NCALD: variants seen among roughly 807,000 people sequenced by gnomAD.
The protein encoded by NCALD is neurocalcin delta.
NCALD carries 10 observed loss-of-function variants against 18.6 expected under a neutral mutation model. That is an observed-to-expected ratio of 0.54 (90% CI 0.33 to 0.91). NCALD has a LOEUF of 0.91. NCALD is among the 40% of genes least tolerant of loss of function. The pLI, the probability that NCALD is intolerant of heterozygous loss-of-function variation, is 0.03. For synonymous variants in NCALD, 88 were observed against 87.4 expected (o/e 1.01, Z -0.04); for missense variants, 184 against 247.6 (o/e 0.74, Z 1.72).
intron 3 of NCALD, among the ~76,000 whole-genome samples, chr8:101,888,130 A>G (rs1034868910): frequency 2.0e-5 from 3 of 152,198 alleles, no homozygotes; most frequent in African/African-American, 7.2e-5. Context: ...AAACTAGTCA[A>G]GGCTTATCCC....
intron 4 of NCALD, among the ~76,000 whole-genome samples, chr8:101,810,309 T>C (rs890620430): frequency 2.6e-5 from 4 of 152,212 alleles, no homozygotes; most frequent in Non-Finnish European, 4.4e-5. Context: ...TATTTGTAAC[T>C]ACCTTGCACG....
chr8:101,792,699 G>C (rs1416694138), upstream of NCALD, among the ~76,000 whole-genome samples: 1 of 152,178 alleles, frequency 6.6e-6, no homozygotes, highest in Non-Finnish European at 1.5e-5. Flanking sequence ...GGAAGAGGCA[G>C]AGAAACATAC....
At chr8:101,904,255 G>A (rs531586695) in intron 3 of NCALD, among the ~76,000 whole-genome samples, 1 of 152,134 alleles carries the variant, frequency 6.6e-6, no homozygotes, top group Non-Finnish European at 1.5e-5. Flanking sequence ...TCTGTCCTGT[G>A]CAATCAGCAA....
intron 1 of NCALD, among the ~76,000 whole-genome samples, chr8:101,742,850 T>C (rs1456591288): frequency 6.6e-6 from 1 of 152,078 alleles, no homozygotes; most frequent in Non-Finnish European, 1.5e-5. Context: ...GGCCCCAATA[T>C]GTGTTGTTCC....
At chr8:101,725,870 T>C (rs1816549891) in intron 1 of NCALD, among the ~76,000 whole-genome samples, 1 of 151,980 alleles carries the variant, frequency 6.6e-6, no homozygotes, top group Non-Finnish European at 1.5e-5. Context: ...GATGAAGACG[T>C]GCCATGGAGA....
At chr8:101,955,282 G>A (rs1186000636) in intron 2 of NCALD, among the ~76,000 whole-genome samples, 1 of 152,198 alleles carries the variant, frequency 6.6e-6, no homozygotes, top group Admixed American at 6.5e-5. Flanking sequence ...AAACAAAAGG[G>A]AAGTGCCTTC....
chr8:101,853,694 G>C (rs983189006), intron 4 of NCALD, among the ~76,000 whole-genome samples: 2 of 152,176 alleles, frequency 1.3e-5, no homozygotes, highest in African/African-American at 4.8e-5. Context: ...GGGGAGTCCA[G>C]TGGAAAGCAA....
chr8:102,124,174 C>G (rs1348497627), intron 1 of NCALD: 2 of 152,222 alleles, frequency 1.3e-5, no homozygotes, highest in Non-Finnish European at 2.9e-5. Flanking sequence ...GCACACCCGC[C>G]CCGGCTGCAA....
At chr8:101,834,571 T>G (rs992766507) in intron 4 of NCALD, among the ~76,000 whole-genome samples, 1 of 152,210 alleles carries the variant, frequency 6.6e-6, no homozygotes, top group Non-Finnish European at 1.5e-5. Flanking sequence ...ATTTTTGGGC[T>G]CTCCCTGTTC....
At chr8:101,982,514 T>G (rs1820657931) in intron 2 of NCALD, among the ~76,000 whole-genome samples, 1 of 152,232 alleles carries the variant, frequency 6.6e-6, no homozygotes, top group Non-Finnish European at 1.5e-5. Context: ...AAAAAGGGTA[T>G]AGCCTTGAAA....
chr8:102,121,404 C>T (rs1167458598), intron 1 of NCALD, among the ~76,000 whole-genome samples: 4 of 152,006 alleles, frequency 2.6e-5, no homozygotes, highest in Non-Finnish European at 5.9e-5. Context: ...GAGTGGGTGC[C>T]TGAGTCAGAA....
chr8:101,874,757 G>C (rs1816161109), intron 4 of NCALD, among the ~76,000 whole-genome samples: 1 of 152,022 alleles, frequency 6.6e-6, no homozygotes, highest in Non-Finnish European at 1.5e-5. Flanking sequence ...CAAATTCCTG[G>C]CCTCAAGTGA....
chr8:101,966,034 C>T (rs531707565), intron 2 of NCALD, among the ~76,000 whole-genome samples: 20 of 151,690 alleles, frequency 1.3e-4, no homozygotes, highest in African/African-American at 3.6e-4. Flanking sequence ...ATGATTATGA[C>T]GAAGAGCTAA....
chr8:102,004,996 A>C (rs529918235), intron 2 of NCALD, among the ~76,000 whole-genome samples: 2 of 152,342 alleles, frequency 1.3e-5, no homozygotes, highest in South Asian at 4.1e-4. Flanking sequence ...TAAAACACCA[A>C]AAGCAATGGC....
At chr8:101,844,310 C>T (rs73696514) in intron 4 of NCALD, among the ~76,000 whole-genome samples, 3,665 of 152,122 alleles carry the variant, frequency 0.024, 151 homozygotes, top group African/African-American at 0.082. Flanking sequence ...TGGGAATGAA[C>T]TGAATTGTCA....
chr8:101,988,902 G>GAAAAAAAAA (rs35196499), intron 2 of NCALD, among the ~76,000 whole-genome samples: 4 of 66,072 alleles, frequency 6.1e-5, no homozygotes, highest in African/African-American at 6.0e-5. Flanking sequence ...GGTGCCAGCA[G>GAAAAAAAAA]AAAAAAAAAA....
intron 1 of NCALD, among the ~76,000 whole-genome samples, chr8:102,112,907 T>G (rs1208262569): frequency 6.6e-6 from 1 of 152,214 alleles, no homozygotes; most frequent in African/African-American, 2.4e-5. Flanking sequence ...CTTTCCATCA[T>G]GAATGGAAGC....
At chr8:101,749,222 A>G (rs1035750337) in intron 1 of NCALD, among the ~76,000 whole-genome samples, 36 of 152,308 alleles carry the variant, frequency 2.4e-4, no homozygotes, top group African/African-American at 8.4e-4. Context: ...TTTTCTTTTA[A>G]AACAATTTTG....
chr8:101,690,934 C>T lies in NCALD; in HGVS notation c.485-1528G>A, dbSNP rs561456817. Reference sequence around the variant, plus strand: ...GGGGCAGACCTGGAGCTCGGCATGACGTCTGGCTTTCTTCACTTAACTGTC... The same window carrying T: ...GGGGCAGACCTGGAGCTCGGCATGATGTCTGGCTTTCTTCACTTAACTGTC... On this transcript the variant is annotated intron_variant, in intron 3 of 3. Transcript: ENST00000220931. 131 of 985,426 alleles carry T rather than the reference C, an allele frequency of 1.3e-4. No individual in the cohort carries two copies. In the African/African-American group the frequency reaches 1.7e-3, roughly 13 times the overall value. 61.0% of individuals were successfully genotyped at this position (985,426 alleles called of 1,614,324 possible).
Sources: gnomAD v4.1 joint callset for allele counts (sites outside exome capture counted in the v4.1 genomes callset) on GRCh38, gnomAD v4.1.1 for gene constraint, MANE v1.5 for transcripts, NCBI Gene and HGNC (gene_info 2026-07-23, HGNC 2026-07-21) for gene names.